Variants in ZNF782 observed in about 807,000 individuals in gnomAD.
The protein encoded by ZNF782 is zinc finger protein 782.
ZNF782 carries 12 observed loss-of-function variants against 13.0 expected under a neutral mutation model. The ratio of observed to expected loss-of-function variants is 0.92; its 90% confidence interval spans 0.59 to 1.50. The LOEUF is 1.50. ZNF782 is among the 40% of genes most tolerant of loss of function. ZNF782 has a pLI of 0.00. For missense variants in ZNF782, 770 were observed against 822.9 expected, an observed-to-expected ratio of 0.94 and a Z score of 0.79; for synonymous variants, 284 against 283.0, an observed-to-expected ratio of 1.00 and a Z score of -0.04.
At chr9:96,839,661 C>G (rs1041658023) in intron 4 of ZNF782, among the ~76,000 whole-genome samples, 1 of 141,926 alleles carries the variant, frequency 7.0e-6, no homozygotes, top group Non-Finnish European at 1.5e-5. Flanking sequence ...TAATCACTCA[C>G]CCCCCCCACC....
intron 1 of ZNF782, among the ~76,000 whole-genome samples, chr9:96,866,701 C>T (rs754819511): frequency 3.3e-4 from 50 of 151,842 alleles, no homozygotes; most frequent in Admixed American, 7.2e-4. Context: ...CACTCAATGC[C>T]AGCCCATGAA....
rs1007296935 is a variant in ZNF782, at chr9:96,850,617, T to C, written c.15+1330A>G. Among the ~76,000 whole-genome samples the C allele has an allele frequency of 6.6e-5, 10 of 152,066 alleles. No homozygotes were observed. The highest frequency in any genetic ancestry group is 2.2e-4 in the African/African-American group (9 of 41,414). On this transcript the variant is annotated intron_variant, in intron 3 of 5. Transcript: ENST00000481138. The surrounding 1 kb of genome is among the most constrained non-coding windows in gnomAD (Gnocchi z 4.3). ...TCAGAATTCACCACTATATAATTCA[T>C]CCATGTAACAAGAAACCACTTGTAC...
At chr9:96,921,960 G>C in the ZNF782 span, among the ~76,000 whole-genome samples, 1 of 151,240 alleles carries the variant, frequency 6.6e-6, no homozygotes, top group Non-Finnish European at 1.5e-5. Flanking sequence ...CCAAAGTGCT[G>C]GGATTACAGG....
chr9:96,908,373 C>A, the ZNF782 span, among the ~76,000 whole-genome samples: 1 of 152,268 alleles, frequency 6.6e-6, no homozygotes, highest in Non-Finnish European at 1.5e-5. Flanking sequence ...TGCCCAGGCA[C>A]TCAGTAAATT....
At chr9:96,925,567 G>A in the ZNF782 span, among the ~76,000 whole-genome samples, 1 of 150,430 alleles carries the variant, frequency 6.6e-6, no homozygotes. Flanking sequence ...CCCAGGAGGC[G>A]GAGGCTGCAG....
At chr9:96,847,515 C>G (rs1851375703) in intron 3 of ZNF782, among the ~76,000 whole-genome samples, 1 of 152,130 alleles carries the variant, frequency 6.6e-6, no homozygotes. Flanking sequence ...TACAAAAGAT[C>G]TTTCAAGACT....
chr9:96,878,988 A>T (rs1345064751), upstream of ZNF782, among the ~76,000 whole-genome samples: 1 of 152,172 alleles, frequency 6.6e-6, no homozygotes, highest in East Asian at 1.9e-4. Flanking sequence ...GTGCACCATA[A>T]ATTTCTTTTA....
chr9:96,834,673 G>A (rs553632071), intron 4 of ZNF782, among the ~76,000 whole-genome samples: 1 of 152,316 alleles, frequency 6.6e-6, no homozygotes, highest in South Asian at 2.1e-4. Context: ...CCAGCCACCA[G>A]AATTGTGAGC....
chr9:96,932,657 T>C, the ZNF782 span, among the ~76,000 whole-genome samples: 1 of 151,728 alleles, frequency 6.6e-6, no homozygotes, highest in African/African-American at 2.4e-5. Flanking sequence ...CCTTAATTTT[T>C]TTTTTTTTTT....
intron 1 of ZNF782, among the ~76,000 whole-genome samples, chr9:96,866,912 C>A (rs572279675): frequency 6.6e-6 from 1 of 152,316 alleles, no homozygotes; most frequent in South Asian, 2.1e-4. Flanking sequence ...TGGCCAATTT[C>A]TCCCATTTGG....
chr9:96,883,025 G>A, the ZNF782 span, among the ~76,000 whole-genome samples: 2 of 152,148 alleles, frequency 1.3e-5, no homozygotes, highest in East Asian at 3.9e-4. Context: ...TGGACAATAG[G>A]AGATGAAGAA....
chr9:96,856,840 A>G (rs1399721816), upstream of ZNF782, among the ~76,000 whole-genome samples: 1 of 152,206 alleles, frequency 6.6e-6, no homozygotes, highest in East Asian at 1.9e-4. Flanking sequence ...AGACAGAACA[A>G]TTTTTATGAT....
the ZNF782 span, among the ~76,000 whole-genome samples, chr9:96,913,707 T>C: frequency 1.3e-5 from 2 of 151,860 alleles, no homozygotes; most frequent in African/African-American, 4.8e-5. Flanking sequence ...AATTTTTTAG[T>C]AGAGACAGAG....
chr9:96,850,771 C>A lies in ZNF782; in HGVS notation c.15+1176G>T, dbSNP rs997588246. Among the ~76,000 whole-genome samples, 8 of 152,020 alleles carry A rather than the reference C, an allele frequency of 5.3e-5. No homozygotes were observed. Among genetic ancestry groups the A allele is most frequent in the African/African-American group, 1.9e-4 (8 of 41,392 alleles). ...AAGGCCTGTCTTGACTTCTTTTAGA[C>A]CCTGGGTAGTAAAATACATAAAATA... On this transcript the variant is annotated intron_variant, in intron 3 of 5. Transcript: ENST00000481138. The surrounding 1 kb of genome is among the most constrained non-coding windows in gnomAD (Gnocchi z 4.3).
chr9:96,881,453 T>C, the ZNF782 span, among the ~76,000 whole-genome samples: 7 of 152,248 alleles, frequency 4.6e-5, no homozygotes, highest in South Asian at 1.2e-3. Flanking sequence ...ATGTTGTAAA[T>C]GATACAAATT....
upstream of ZNF782, among the ~76,000 whole-genome samples, chr9:96,854,736 A>G (rs1851616044): frequency 6.6e-6 from 1 of 152,230 alleles, no homozygotes; most frequent in African/African-American, 2.4e-5. Context: ...CTTAAACGCT[A>G]CTGACAAATA....
At chr9:96,855,018 T>C (rs574902505), upstream of ZNF782, among the ~76,000 whole-genome samples, 17 of 152,354 alleles carry the variant, frequency 1.1e-4, no homozygotes, top group African/African-American at 4.1e-4. Flanking sequence ...AACCTCCACC[T>C]TGTCTCTTTA....
At chr9:96,914,494 T>C in the ZNF782 span, among the ~76,000 whole-genome samples, 1 of 151,422 alleles carries the variant, frequency 6.6e-6, no homozygotes. Flanking sequence ...TTACATCTAG[T>C]CCTACATACA....
chr9:96,911,387 C>T, the ZNF782 span, among the ~76,000 whole-genome samples: 2 of 121,736 alleles, frequency 1.6e-5, no homozygotes, highest in African/African-American at 3.3e-5. Context: ...TGCAGTGAGC[C>T]GAGATCGCGC....
Sources: gnomAD v4.1 joint callset for allele counts (sites outside exome capture counted in the v4.1 genomes callset) on GRCh38, gnomAD v4.1.1 for gene constraint, Gnocchi (gnomAD v3.1) non-coding constraint, MANE v1.5 for transcripts, NCBI Gene and HGNC (gene_info 2026-07-23, HGNC 2026-07-21) for gene names.